NBEAL2: variants seen among roughly 807,000 people sequenced by gnomAD.
NBEAL2 encodes neurobeachin-like protein 2.
A neutral mutation model predicts 299.8 loss-of-function variants in NBEAL2; 160 were observed. The observed-to-expected ratio is 0.53, with a 90% confidence interval of 0.47 to 0.61. NBEAL2 has a LOEUF of 0.61. NBEAL2 is among the 20% of genes least tolerant of loss of function. The probability of loss-of-function intolerance (pLI) is 0.00; values close to 1 mark genes in which losing one functional copy is unlikely to be tolerated. For missense variants in NBEAL2, 3,112 were observed against 3,649.0 expected, an observed-to-expected ratio of 0.85 and a Z score of 3.79; for synonymous variants, 1,493 against 1,542.3, an observed-to-expected ratio of 0.97 and a Z score of 0.75.
chr3:46,997,746 G>T, intron 20 of NBEAL2, 52 bp downstream of exon 20: 2 of 1,438,250 alleles, frequency 1.4e-6, no homozygotes, highest in South Asian at 3.1e-5. Context: ...CAGCCTGTCT[G>T]ACCGAGGGGA....
At position 46,998,820 on chromosome 3, in the gene NBEAL2, GACGTGCAGGTC is replaced by G; in HGVS notation, c.3329_3339del (p.Val1110AlafsTer13). 6.4e-7 allele frequency: 1 copy of G among 1,571,496 alleles called. No individual in the cohort carries two copies. Among genetic ancestry groups the G allele is most frequent in the Non-Finnish European group, 8.6e-7 (1 of 1,158,644 alleles). On this transcript the variant is annotated frameshift_variant, in exon 23 of 54. Coordinates refer to ENST00000450053, the MANE Select transcript of NBEAL2 (RefSeq NM_015175.3). LOFTEE classifies it high-confidence loss of function. ...CCTGGTGCGGAGTCTCTCAGCAGAT[GACGTGCAGGTC>G]ACGCAGACCATGCTGAGCTTTTTGG...
intron 44 of NBEAL2, 34 bp downstream of exon 44, chr3:47,006,296 G>A (rs1297571360): frequency 6.2e-7 from 1 of 1,606,890 alleles, no homozygotes; most frequent in African/African-American, 1.3e-5. Flanking sequence ...GGCCAGGGAT[G>A]CCCATGCCAT....
At position 46,995,934 on chromosome 3, in the gene NBEAL2, CT is replaced by C; in HGVS notation, c.2035del (p.Cys679AlafsTer140). 6.2e-7 allele frequency: 1 copy of C among 1,613,474 alleles called. No homozygotes were observed. Among genetic ancestry groups the C allele is most frequent in the South Asian group, 1.1e-5 (1 of 91,042 alleles). ...CTAATGTGAGGCTTCTGTTCTAGCA[CT>C]GCGTGGCTATCGTCCATGTGCCTGG... ...EVSFADSAWH[C>X]VAIVHVPGRR... is the part of the protein sequence containing the mutation. On this transcript the variant is annotated frameshift_variant, in exon 15 of 54. Transcript: ENST00000450053. LOFTEE classifies it high-confidence loss of function.
Position 46,997,640 on chromosome 3 carries a change from A to C in NBEAL2, c.2904A>C (p.Gln968His), listed in dbSNP as rs756700525. The C allele has an allele frequency of 1.2e-5, 19 of 1,592,698 alleles. No individual in the cohort carries two copies. Among genetic ancestry groups the C allele is most frequent in the Non-Finnish European group, 1.6e-5 (19 of 1,165,352 alleles). The change falls in exon 20 of 54, where the codon CAA (glutamine) becomes CAC (histidine). Residue 968 changes from glutamine (Q) to histidine (H), a missense_variant. Gln to His is a conservative substitution (Grantham distance 24). Coordinates refer to ENST00000450053, the MANE Select transcript of NBEAL2 (RefSeq NM_015175.3). Reference protein sequence around the residue: ...RNFLQGHMVNQESLVQCQGPA... With the variant: ...RNFLQGHMVNHESLVQCQGPA... ...TCCTTCAGGGTCACATGGTGAACCAAGAGAGCCTGGTGCAGTGCCAGGGGC... is the reference window on the plus strand; with the variant it reads ...TCCTTCAGGGTCACATGGTGAACCACGAGAGCCTGGTGCAGTGCCAGGGGC...
In NBEAL2 at chr3:47,005,940, T is replaced by G. The variant is rs1559619787; in HGVS notation, c.6802-6T>G. 3 of 1,613,562 alleles carry G rather than the reference T, an allele frequency of 1.9e-6. No individual in the cohort carries two copies. The highest frequency in any genetic ancestry group is 2.5e-6 in the Non-Finnish European group (3 of 1,179,806). On this transcript the variant is annotated splice_polypyrimidine_tract_variant and splice_region_variant and intron_variant, in intron 42 of 53. Coordinates refer to ENST00000450053, the MANE Select transcript of NBEAL2 (RefSeq NM_015175.3). ...CCTGCACTGATTGCTGCCTCCCTAC[T>G]CTCAGGAGTCGGAGTATGTGTCTGC...
chr3:47,007,195 C>G (rs757737382), intron 46 of NBEAL2, 40 bp downstream of exon 46: 1 of 1,610,606 alleles, frequency 6.2e-7, no homozygotes, highest in Non-Finnish European at 8.5e-7. Context: ...GCTCCACTCC[C>G]CCTTGCCTCT....
Position 47,006,032 on chromosome 3 carries a change from C to T in NBEAL2, c.6888C>T (p.Ala2296=). 1.2e-6 allele frequency: 2 copies of T among 1,613,780 alleles called. No homozygotes were observed. Among genetic ancestry groups the T allele is most frequent in the Non-Finnish European group, 1.7e-6 (2 of 1,179,890 alleles). The change falls in exon 43 of 54, where the codon GCC becomes GCT. Residue 2296 remains alanine (A), a synonymous_variant. Transcript: ENST00000450053. ...AGCGGGGGCCAGCCGCCGAGGAGGC[C>T]CTCAATGTCTTCTATTACTGCACCT... ...YKQRGPAAEE[A]LNVFYYCTYE...
rs1409773876 is a variant in NBEAL2 at position 46,998,815 on chromosome 3, C to T, written c.3320C>T (p.Ala1107Val). 1.3e-6 allele frequency: 2 copies of T among 1,569,900 alleles called. No homozygotes were observed. The highest frequency in any genetic ancestry group is 1.9e-5 in the Admixed American group (1 of 52,828). Residue 1107 changes from alanine (A) to valine (V), a missense_variant, in exon 23 of 54, where the codon GCA (alanine) becomes GTA (valine). Coordinates refer to ENST00000450053, the MANE Select transcript of NBEAL2 (RefSeq NM_015175.3). ...GAGTTCCTGGTGCGGAGTCTCTCAG[C>T]AGATGACGTGCAGGTCACGCAGACC... ...AREFLVRSLS[A>V]DDVQVTQTML...
At position 47,008,526 on chromosome 3, in the gene NBEAL2, T is replaced by C. The variant is rs2037637786; in HGVS notation, c.7885T>C (p.Tyr2629His). The change falls in exon 52 of 54, where the codon TAC becomes CAC. Residue 2629 changes from tyrosine (Y) to histidine (H), a missense_variant. By Grantham distance (83) the Tyr-to-His change is moderately conservative. This residue lies in a region of NBEAL2 where 348 missense variants were observed against 381.4 expected (regional missense o/e 0.91). Coordinates refer to ENST00000450053, the MANE Select transcript of NBEAL2 (RefSeq NM_015175.3). ...AWERPGAQVT[Y>H]SLHLYSVNGK... ...CACTCCCTGCTTCCTCCAGGTCACCTACTCCTTGCACCTGTATTCAGTCAA... is the reference window on the plus strand; with the variant it reads ...CACTCCCTGCTTCCTCCAGGTCACCCACTCCTTGCACCTGTATTCAGTCAA... The C allele has an allele frequency of 1.2e-6, 2 of 1,613,040 alleles. No homozygotes were observed. Among genetic ancestry groups the C allele is most frequent in the African/African-American group, 2.7e-5 (2 of 75,042 alleles).
chr3:46,991,149 T>C lies in NBEAL2; in HGVS notation c.557-70T>C. ...CCCTCCACCCCAGGGCACTCACCTCTTGTGCAGCCCCCTGGGTCCATAGCC... is the reference window on the plus strand; with the variant it reads ...CCCTCCACCCCAGGGCACTCACCTCCTGTGCAGCCCCCTGGGTCCATAGCC... On this transcript the variant is annotated intron_variant, in intron 6 of 53. Coordinates refer to ENST00000450053, the MANE Select transcript of NBEAL2 (RefSeq NM_015175.3). This position sits in a 1 kb window ranked among gnomAD's most constrained non-coding sequence, Gnocchi z 6.2. 1 of 1,384,082 alleles carries C rather than the reference T, an allele frequency of 7.2e-7. No individual in the cohort carries two copies. The highest frequency in any genetic ancestry group is 1.0e-6 in the Non-Finnish European group (1 of 993,490). The allele number at this position is 1,384,082 out of a possible 1,614,324, so 85.7% of individuals were successfully genotyped here.
At position 46,998,731 on chromosome 3, in the gene NBEAL2, G is replaced by C; in HGVS notation, c.3236G>C (p.Arg1079Pro). 3 of 1,575,954 alleles carry C rather than the reference G, an allele frequency of 1.9e-6. No homozygotes were observed. Among genetic ancestry groups the C allele is most frequent in the Non-Finnish European group, 1.7e-6 (2 of 1,158,554 alleles). ...TGACCTGCCAGCCCGCAGCGGGAGC[G>C]CCCCCTGGCTGCTGACGACCTACGC... is the stretch of plus-strand genomic sequence containing the variant. ...LRTHYSPQRE[R>P]PLAADDLRTV... The change falls in exon 23 of 54, where the codon CGC (arginine) becomes CCC (proline). Residue 1079 changes from arginine (R) to proline (P), a missense_variant. Coordinates refer to ENST00000450053, the MANE Select transcript of NBEAL2 (RefSeq NM_015175.3).
At position 47,003,366 on chromosome 3, in the gene NBEAL2, T is replaced by C. The variant is rs560393801; in HGVS notation, c.5720+57T>C. 2.5e-4 allele frequency: 391 copies of C among 1,584,202 alleles called. No homozygotes were observed. The African/African-American group carries it at 4.6e-3, about 19-fold the overall frequency. On this transcript the variant is annotated intron_variant, in intron 35 of 53. Coordinates refer to ENST00000450053, the MANE Select transcript of NBEAL2 (RefSeq NM_015175.3). This position sits in a 1 kb window ranked among gnomAD's most constrained non-coding sequence, Gnocchi z 7.0. ...GTGGTGGGCAAGGGGTCTGCTCCAGTGTGTGCATGCCTCTGTGGGATCAAC... is the reference window on the plus strand; with the variant it reads ...GTGGTGGGCAAGGGGTCTGCTCCAGCGTGTGCATGCCTCTGTGGGATCAAC...
Position 47,002,790 on chromosome 3 carries a change from C to A in NBEAL2, c.5447C>A (p.Ala1816Asp), listed in dbSNP as rs1365768186. 3 of 1,557,260 alleles carry A rather than the reference C, an allele frequency of 1.9e-6. No individual in the cohort carries two copies. Among genetic ancestry groups the A allele is most frequent in the Non-Finnish European group, 2.6e-6 (3 of 1,156,928 alleles). ...CGCCAGCTCGCCAGCCCATGTGGGG[C>A]CTGGGCGCTGAGGTGGGCCGGGCTT... ...LWRQLASPCG[A>D]WALRDTPIPR... The change falls in exon 33 of 54, where the codon GCC becomes GAC. Residue 1816 changes from alanine to aspartate, a missense_variant. Coordinates refer to ENST00000450053, the MANE Select transcript of NBEAL2 (RefSeq NM_015175.3).
intron 10 of NBEAL2, 65 bp downstream of exon 10, chr3:46,992,620 C>G: frequency 7.0e-7 from 1 of 1,430,274 alleles, no homozygotes; most frequent in South Asian, 1.2e-5. Context: ...TTTTCCTGCA[C>G]TATAGCTGGG....
rs756858420 is a variant in NBEAL2 at position 47,008,295 on chromosome 3, A to G, written c.7732A>G (p.Ile2578Val). The G allele has an allele frequency of 1.2e-6, 2 of 1,613,224 alleles. No homozygotes were observed. Among genetic ancestry groups the G allele is most frequent in the African/African-American group, 1.3e-5 (1 of 75,028 alleles). Residue 2578 changes from isoleucine (I) to valine (V), a missense_variant, in exon 51 of 54, where the codon ATC becomes GTC. By Grantham distance (29) the Ile-to-Val change is conservative (BLOSUM62 3). Transcript: ENST00000450053. Reference sequence around the variant, plus strand: ...TGCCTTCCTGCAGGATGGAACTGTGATCATACACACTGTACGCCGCGGACA... The same window carrying G: ...TGCCTTCCTGCAGGATGGAACTGTGGTCATACACACTGTACGCCGCGGACA... The part of the protein sequence containing the change: ...AVSGSEDGTV[I>V]IHTVRRGQFV...
At chr3:46,983,441 C>T (rs1383652153) in intron 1 of NBEAL2, among the ~76,000 whole-genome samples, 2 of 151,846 alleles carry the variant, frequency 1.3e-5, no homozygotes, top group African/African-American at 2.4e-5. Flanking sequence ...TCCCGAGTAG[C>T]TCAGACTACA....
At position 46,999,947 on chromosome 3, in the gene NBEAL2, G is replaced by A; in HGVS notation, c.3848G>A (p.Gly1283Asp). ...GTGCGGCTTCTGGCCCGACAGGCTGGCTGGCAAGATGTGCTGACCCGGCTA... is the reference window on the plus strand; with the variant it reads ...GTGCGGCTTCTGGCCCGACAGGCTGACTGGCAAGATGTGCTGACCCGGCTA... The part of the protein sequence containing the change: ...DVVRLLARQA[G>D]WQDVLTRLYV... Residue 1283 changes from glycine (G) to aspartate (D), a missense_variant, in exon 27 of 54, where the codon GGC becomes GAC. Physicochemically the swap from Gly to Asp is moderately conservative, Grantham distance 94. Transcript: ENST00000450053. 6.2e-7 allele frequency: 1 copy of A among 1,611,512 alleles called. No individual in the cohort carries two copies. Among genetic ancestry groups the A allele is most frequent in the Non-Finnish European group, 8.5e-7 (1 of 1,179,330 alleles).
intron 6 of NBEAL2, among the ~76,000 whole-genome samples, chr3:46,990,152 T>C (rs2035982755): frequency 6.6e-6 from 1 of 151,750 alleles, no homozygotes; most frequent in African/African-American, 2.4e-5. Flanking sequence ...TGGACAGAGG[T>C]GGGCAGGGCT....
At position 46,998,560 on chromosome 3, in the gene NBEAL2, C is replaced by T; in HGVS notation, c.3216C>T (p.His1072=). 6 of 1,610,030 alleles carry T rather than the reference C, an allele frequency of 3.7e-6. No homozygotes were observed. The highest frequency in any genetic ancestry group is 2.2e-5 in the South Asian group (2 of 90,280). The change falls in exon 22 of 54, where the codon CAC becomes CAT. Residue 1072 remains histidine (H), a synonymous_variant. Coordinates refer to ENST00000450053, the MANE Select transcript of NBEAL2 (RefSeq NM_015175.3). ...TTATCTTGGATGCTCTGCGCACCCACTACAGGTGAGGCCAGTGGGGCCAGA... is the reference window on the plus strand; with the variant it reads ...TTATCTTGGATGCTCTGCGCACCCATTACAGGTGAGGCCAGTGGGGCCAGA... ...VQFILDALRT[H]YSPQRERPLA...
Sources: gnomAD v4.1 joint callset for allele counts (sites outside exome capture counted in the v4.1 genomes callset) on GRCh38, gnomAD v4.1.1 for gene constraint, gnomAD v4.1.1 regional missense constraint, Gnocchi (gnomAD v3.1) non-coding constraint, MANE v1.5 for transcripts, NCBI Gene and HGNC (gene_info 2026-07-23, HGNC 2026-07-21) for gene names.